ASAP1: variants seen among roughly 807,000 people sequenced by gnomAD.
ASAP1 encodes arf-GAP with SH3 domain, ANK repeat and PH domain-containing protein 1.
A neutral mutation model predicts 145.2 loss-of-function variants in ASAP1; 43 were observed. The observed-to-expected ratio is 0.30, with a 90% CI of 0.23 to 0.38. The LOEUF is 0.38. ASAP1 is among the 10% of genes least tolerant of loss of function. ASAP1 has a pLI of 1.00. For synonymous variants in ASAP1, 546 were observed against 515.5 expected, an observed-to-expected ratio of 1.06 and a Z score of -0.80; for missense variants, 1,018 against 1,355.3, an observed-to-expected ratio of 0.75 and a Z score of 3.91.
chr8:130,058,172 T>C, intron 28 of ASAP1, 96 bp from the exon 29 acceptor site: 3 of 1,363,232 alleles, frequency 2.2e-6, no homozygotes, highest in Non-Finnish European at 3.1e-6. Context: ...GGCCAGTAAC[T>C]TAACCTCGCT....
intron 11 of ASAP1, among the ~76,000 whole-genome samples, chr8:130,164,565 T>C (rs2097676138): frequency 6.6e-6 from 1 of 152,210 alleles, no homozygotes; most frequent in Non-Finnish European, 1.5e-5. Context: ...CACTCCAGTC[T>C]GGGCGACAGA....
chr8:130,192,587 A>G (rs931634716), intron 5 of ASAP1, among the ~76,000 whole-genome samples: 2 of 152,136 alleles, frequency 1.3e-5, no homozygotes, highest in African/African-American at 4.8e-5. Context: ...ATGGTGGGTA[A>G]GTAAGGTTGG....
At chr8:130,280,526 C>G (rs1359172047) in intron 3 of ASAP1, among the ~76,000 whole-genome samples, 1 of 152,200 alleles carries the variant, frequency 6.6e-6, no homozygotes, top group Non-Finnish European at 1.5e-5. Flanking sequence ...AGAATCCAGA[C>G]TAGAACTTTC....
At chr8:130,386,504 C>T (rs1297438427) in intron 2 of ASAP1, among the ~76,000 whole-genome samples, 4 of 152,210 alleles carry the variant, frequency 2.6e-5, no homozygotes, top group Non-Finnish European at 5.9e-5. Flanking sequence ...ACAGGGCTGT[C>T]GACACAGGGC....
intron 5 of ASAP1, among the ~76,000 whole-genome samples, chr8:130,199,286 A>C (rs1043061719): frequency 2.6e-5 from 4 of 152,344 alleles, no homozygotes; most frequent in Non-Finnish European, 4.4e-5. Context: ...TGTTCTATAC[A>C]CCAAATAAAA....
chr8:130,200,087 A>G (rs1313531286), intron 5 of ASAP1, among the ~76,000 whole-genome samples: 1 of 152,148 alleles, frequency 6.6e-6, no homozygotes, highest in African/African-American at 2.4e-5. Context: ...GTTTTCCCCC[A>G]CTTCTTGACT....
intron 3 of ASAP1, among the ~76,000 whole-genome samples, chr8:130,286,705 A>G (rs1464007605): frequency 2.6e-5 from 4 of 152,186 alleles, no homozygotes; most frequent in Non-Finnish European, 5.9e-5. Flanking sequence ...TCATCACACC[A>G]GGACTGGGGA....
At chr8:130,347,213 T>C (rs187973693) in intron 3 of ASAP1, among the ~76,000 whole-genome samples, 1 of 152,358 alleles carries the variant, frequency 6.6e-6, no homozygotes, top group East Asian at 1.9e-4. Context: ...CAATGGGATG[T>C]TTCTTTTCTG....
At chr8:130,192,776 C>T (rs1391092369) in intron 5 of ASAP1, among the ~76,000 whole-genome samples, 6 of 152,182 alleles carry the variant, frequency 3.9e-5, no homozygotes, top group South Asian at 4.1e-4. Flanking sequence ...GGTCAATATG[C>T]TCACTGCTAT....
At chr8:130,262,429 AG>A (rs1819983436) in intron 3 of ASAP1, among the ~76,000 whole-genome samples, 3 of 96,558 alleles carry the variant, frequency 3.1e-5, no homozygotes, top group Non-Finnish European at 6.4e-5. Flanking sequence ...AGAGAGAGAG[AG>A]AGAGAGAGAG....
intron 25 of ASAP1, among the ~76,000 whole-genome samples, chr8:130,087,197 G>A (rs908069931): frequency 2.6e-5 from 4 of 152,076 alleles, no homozygotes; most frequent in Admixed American, 6.6e-5. Context: ...CACAAATGTC[G>A]GGGAACCAAA....
At chr8:130,115,808 C>A (rs1754822674) in intron 22 of ASAP1, 73 bp from the exon 23 acceptor site, 2 of 1,065,244 alleles carry the variant, frequency 1.9e-6, no homozygotes, top group Non-Finnish European at 1.4e-6. Context: ...AAACACTGAG[C>A]AAATCCCACC....
chr8:130,375,624 G>C (rs1827450248), intron 2 of ASAP1, among the ~76,000 whole-genome samples: 1 of 152,112 alleles, frequency 6.6e-6, no homozygotes, highest in Non-Finnish European at 1.5e-5. Context: ...AGAAAGTTTA[G>C]GCAAGTGAAG....
intron 5 of ASAP1, among the ~76,000 whole-genome samples, chr8:130,201,109 A>G (rs574038036): frequency 2.6e-4 from 39 of 152,338 alleles, no homozygotes; most frequent in African/African-American, 6.7e-4. Flanking sequence ...AGTTTTAACA[A>G]GCTCTCAAGG....
At chr8:130,227,341 C>T (rs927099306) in intron 4 of ASAP1, among the ~76,000 whole-genome samples, 1 of 152,104 alleles carries the variant, frequency 6.6e-6, no homozygotes, top group Non-Finnish European at 1.5e-5. Flanking sequence ...CACACTTGAC[C>T]TCACTGGTTC....
At chr8:130,128,483 G>T (rs73425364) in intron 15 of ASAP1, among the ~76,000 whole-genome samples, 14,987 of 152,142 alleles carry the variant, frequency 0.099, 865 homozygotes, top group African/African-American at 0.16. Context: ...AGAAAGAAAT[G>T]ATGAGAAATG....
At chr8:130,363,105 T>C (rs1826793553) in intron 2 of ASAP1, among the ~76,000 whole-genome samples, 2 of 152,266 alleles carry the variant, frequency 1.3e-5, no homozygotes, top group Non-Finnish European at 2.9e-5. Context: ...ACAACCCCTA[T>C]CTCAGTGTTC....
chr8:130,434,951 T>G (rs1730437060), intron 1 of ASAP1, among the ~76,000 whole-genome samples: 1 of 152,166 alleles, frequency 6.6e-6, no homozygotes. Flanking sequence ...GAAAACCCAG[T>G]GCCCACAGTG....
intron 3 of ASAP1, chr8:130,340,757 G>C: frequency 8.0e-6 from 3 of 376,842 alleles, no homozygotes; most frequent in Non-Finnish European, 1.6e-5. Context: ...CTGTGAAATG[G>C]AGAAACTCTG....
Sources: gnomAD v4.1 joint callset for allele counts (sites outside exome capture counted in the v4.1 genomes callset) on GRCh38, gnomAD v4.1.1 for gene constraint, MANE v1.5 for transcripts, NCBI Gene and HGNC (gene_info 2026-07-23, HGNC 2026-07-21) for gene names.